RIMS2: variants seen among roughly 807,000 people sequenced by gnomAD.
RIMS2 encodes the protein regulating synaptic membrane exocytosis protein 2.
A neutral mutation model predicts 174.4 loss-of-function variants in RIMS2; 59 were observed. The observed-to-expected ratio is 0.34, with a 90% CI of 0.27 to 0.42. The LOEUF (loss-of-function observed/expected upper bound fraction) is 0.42. RIMS2 is among the 10% of genes least tolerant of loss of function. The pLI is 1.00. For synonymous variants in RIMS2, 606 were observed against 572.5 expected (o/e 1.06, Z -0.84); for missense variants, 1,620 against 1,666.3 (o/e 0.97, Z 0.48).
intron 1 of RIMS2, among the ~76,000 whole-genome samples, chr8:103,509,961 C>G (rs1193743153): frequency 2.0e-5 from 3 of 152,072 alleles, no homozygotes; most frequent in African/African-American, 7.2e-5. Context: ...TGTATAGTTA[C>G]ATGGTTATAA....
intron 19 of RIMS2, among the ~76,000 whole-genome samples, chr8:104,050,515 C>A (rs1265340393): frequency 6.6e-6 from 1 of 152,000 alleles, no homozygotes; most frequent in African/African-American, 2.4e-5. Context: ...TAAGAAGAAA[C>A]CAGCTATGTA....
chr8:104,180,886 T>C (rs934214099), intron 19 of RIMS2, among the ~76,000 whole-genome samples: 1 of 151,766 alleles, frequency 6.6e-6, no homozygotes, highest in Non-Finnish European at 1.5e-5. Flanking sequence ...TGTAGCTTTC[T>C]AATTCTTCTC....
intron 1 of RIMS2, among the ~76,000 whole-genome samples, chr8:103,513,693 A>G (rs971925179): frequency 2.0e-5 from 3 of 152,190 alleles, no homozygotes; most frequent in African/African-American, 7.2e-5. Flanking sequence ...TATCTTTATC[A>G]TAGGAGTAAA....
intron 1 of RIMS2, among the ~76,000 whole-genome samples, chr8:103,625,594 C>T (rs747596417): frequency 9.2e-5 from 14 of 151,720 alleles, no homozygotes; most frequent in Non-Finnish European, 1.3e-4. Flanking sequence ...TGATAAAGAC[C>T]GTTTAACATA....
intron 16 of RIMS2, among the ~76,000 whole-genome samples, chr8:103,981,173 C>T (rs537340107): frequency 6.6e-6 from 1 of 152,248 alleles, no homozygotes; most frequent in South Asian, 2.1e-4. Flanking sequence ...GCAGAACCAG[C>T]GGTGGTAGCC....
intron 1 of RIMS2, among the ~76,000 whole-genome samples, chr8:103,674,703 T>G (rs1196033420): frequency 2.0e-5 from 3 of 152,102 alleles, no homozygotes; most frequent in African/African-American, 7.2e-5. Context: ...TAATTTTAAC[T>G]CTTAGTAACC....
chr8:103,547,547 T>G (rs1279691948), intron 1 of RIMS2, among the ~76,000 whole-genome samples: 1 of 152,126 alleles, frequency 6.6e-6, no homozygotes, highest in Non-Finnish European at 1.5e-5. Flanking sequence ...AATGTTCACA[T>G]AAAAACATTG....
intron 14 of RIMS2, among the ~76,000 whole-genome samples, chr8:103,945,513 C>G (rs909624463): frequency 2.0e-5 from 3 of 152,010 alleles, no homozygotes; most frequent in African/African-American, 7.2e-5. Flanking sequence ...CAATATTCCT[C>G]ATGAACATAC....
chr8:103,937,107 AT>A (rs201488164), intron 13 of RIMS2, among the ~76,000 whole-genome samples: 1,661 of 148,772 alleles, frequency 0.011, 36 homozygotes, highest in African/African-American at 0.038. Context: ...CAAAAAAAAA[AT>A]AATTAAAGAT....
intron 19 of RIMS2, among the ~76,000 whole-genome samples, chr8:104,062,985 CAG>C (rs2154560636): frequency 6.6e-6 from 1 of 152,000 alleles, no homozygotes; most frequent in Admixed American, 6.5e-5. Context: ...AGAAAAGCCT[CAG>C]ATAATATTTT....
At chr8:104,251,437 T>C (rs1380592208) in intron 23 of RIMS2, among the ~76,000 whole-genome samples, 165 bp from the exon 30 acceptor site, 1 of 152,238 alleles carries the variant, frequency 6.6e-6, no homozygotes, top group Non-Finnish European at 1.5e-5. Flanking sequence ...CCAGTGTACC[T>C]TTAGATACCA....
chr8:104,244,447 T>C (rs1359117553), intron 19 of RIMS2, among the ~76,000 whole-genome samples: 1 of 152,202 alleles, frequency 6.6e-6, no homozygotes, highest in East Asian at 1.9e-4. Context: ...ATTTGAGGAT[T>C]ACTCACCATC....
intron 1 of RIMS2, among the ~76,000 whole-genome samples, chr8:103,621,556 CAT>C (rs1162121786): frequency 6.6e-6 from 1 of 152,236 alleles, no homozygotes; most frequent in East Asian, 1.9e-4. Context: ...GAGCTAAGAA[CAT>C]AAAGTTCATT....
intron 15 of RIMS2, among the ~76,000 whole-genome samples, chr8:103,969,240 G>A (rs1184200758): frequency 6.6e-6 from 1 of 152,028 alleles, no homozygotes; most frequent in Non-Finnish European, 1.5e-5. Flanking sequence ...CCTGACATTA[G>A]TTTGGGGAAA....
At chr8:103,757,787 A>T (rs1018343065) in intron 2 of RIMS2, among the ~76,000 whole-genome samples, 2 of 152,314 alleles carry the variant, frequency 1.3e-5, no homozygotes, top group Middle Eastern at 3.4e-3. Flanking sequence ...AGAGAAGGCG[A>T]TGTGAAGATT....
chr8:103,961,962 A>T (rs528195978), intron 15 of RIMS2, among the ~76,000 whole-genome samples: 1 of 152,270 alleles, frequency 6.6e-6, no homozygotes, highest in Admixed American at 6.5e-5. Flanking sequence ...AAGACTACAA[A>T]AATACTCTTC....
chr8:103,921,626 G>A (rs1273258843), intron 9 of RIMS2, 46 bp from the exon 13 acceptor site: 2 of 810,072 alleles, frequency 2.5e-6, no homozygotes, highest in Admixed American at 3.4e-5. Context: ...CTAAATACTT[G>A]TGAAGAGCCA....
chr8:104,081,550 A>G (rs1191969136), intron 19 of RIMS2, among the ~76,000 whole-genome samples: 2 of 152,024 alleles, frequency 1.3e-5, no homozygotes, highest in Non-Finnish European at 2.9e-5. Context: ...GTTGAAAACA[A>G]TATGAATATT....
intron 3 of RIMS2, among the ~76,000 whole-genome samples, chr8:103,803,795 G>A (rs1004914796): frequency 1.3e-5 from 2 of 152,166 alleles, no homozygotes; most frequent in Admixed American, 1.3e-4. Flanking sequence ...ATCTGTGTGG[G>A]GTCTCTAGAA....
Sources: allele counts gnomAD v4.1 joint callset (sites outside exome capture counted in the v4.1 genomes callset), GRCh38; gene constraint gnomAD v4.1.1; transcripts MANE v1.5; gene names NCBI Gene and HGNC (gene_info 2026-07-23, HGNC 2026-07-21).